The following CARMIL1 variants were observed in gnomAD, a reference collection of about 807,000 sequenced individuals.
CARMIL1 encodes the protein F-actin-uncapping protein LRRC16A.
In CARMIL1, 90 loss-of-function variants were observed where a neutral mutation model predicts 177.1. The ratio of observed to expected loss-of-function variants is 0.51; its 90% confidence interval spans 0.43 to 0.61. CARMIL1 has a LOEUF of 0.61. Among genes scored for constraint, CARMIL1 ranks in the 20% least tolerant of loss-of-function variants. The pLI, the probability that CARMIL1 is intolerant of heterozygous loss-of-function variation, is 0.00. For missense variants in CARMIL1, 1,380 were observed against 1,667.0 expected (o/e 0.83, Z 3.00); for synonymous variants, 577 against 606.2 (o/e 0.95, Z 0.71).
intron 8 of CARMIL1, among the ~76,000 whole-genome samples, chr6:25,462,946 A>G (rs1040327409): frequency 1.1e-4 from 17 of 152,306 alleles, no homozygotes; most frequent in African/African-American, 4.1e-4. Context: ...ATGATATGTC[A>G]TTGTCTCCTT....
At chr6:25,490,735 A>T (rs1349102631) in intron 13 of CARMIL1, among the ~76,000 whole-genome samples, 3 of 134,076 alleles carry the variant, frequency 2.2e-5, no homozygotes, top group Non-Finnish European at 4.6e-5. Flanking sequence ...ATAAATAAAT[A>T]AATAAATAAA....
At chr6:25,468,589 A>G (rs1383119738) in intron 9 of CARMIL1, among the ~76,000 whole-genome samples, 1 of 152,242 alleles carries the variant, frequency 6.6e-6, no homozygotes, top group Non-Finnish European at 1.5e-5. Flanking sequence ...AGACATTTGG[A>G]TAACACTGTT....
chr6:25,292,323 G>A (rs557415961), intron 2 of CARMIL1, among the ~76,000 whole-genome samples: 85 of 152,304 alleles, frequency 5.6e-4, no homozygotes, highest in Non-Finnish European at 1.0e-3. Context: ...TTGAGCTTTA[G>A]AAAACAGCAA....
At chr6:25,591,455 G>A (rs999955127) in intron 31 of CARMIL1, among the ~76,000 whole-genome samples, 2 of 152,206 alleles carry the variant, frequency 1.3e-5, no homozygotes, top group African/African-American at 4.8e-5. Context: ...CAGGCTCACG[G>A]CTGAGGTTTT....
intron 3 of CARMIL1, among the ~76,000 whole-genome samples, chr6:25,421,912 C>G: frequency 6.7e-6 from 1 of 149,482 alleles, no homozygotes; most frequent in African/African-American, 2.5e-5. Flanking sequence ...AGGAGATATA[C>G]CTAATGTAAA....
At chr6:25,301,197 G>C (rs2150173760) in intron 2 of CARMIL1, among the ~76,000 whole-genome samples, 2 of 152,278 alleles carry the variant, frequency 1.3e-5, no homozygotes, top group South Asian at 4.1e-4. Flanking sequence ...TTGGGAGTTT[G>C]AGACAGAGAC....
intron 23 of CARMIL1, among the ~76,000 whole-genome samples, chr6:25,527,254 C>A (rs576739792): frequency 3.9e-4 from 59 of 152,228 alleles, no homozygotes; most frequent in African/African-American, 1.4e-3. Context: ...ATCTAAGATG[C>A]AAATAATTTT....
chr6:25,475,661 A>G (rs1339846155), intron 11 of CARMIL1, among the ~76,000 whole-genome samples: 1 of 152,270 alleles, frequency 6.6e-6, no homozygotes, highest in African/African-American at 2.4e-5. Flanking sequence ...CACATGCCAC[A>G]TCATGGATGA....
chr6:25,362,785 C>T (rs912853498), intron 2 of CARMIL1, among the ~76,000 whole-genome samples: 2 of 151,930 alleles, frequency 1.3e-5, no homozygotes, highest in Non-Finnish European at 2.9e-5. Flanking sequence ...CTGTAATTTC[C>T]ACACTTTGGG....
intron 31 of CARMIL1, among the ~76,000 whole-genome samples, chr6:25,585,440 G>A (rs183795484): frequency 6.1e-4 from 93 of 152,312 alleles, no homozygotes; most frequent in Non-Finnish European, 1.1e-3. Context: ...ATGCCAGCAT[G>A]CCAGTTTCTT....
intron 31 of CARMIL1, among the ~76,000 whole-genome samples, chr6:25,586,761 C>A (rs909007053): frequency 6.6e-6 from 1 of 152,058 alleles, no homozygotes; most frequent in Admixed American, 6.5e-5. Context: ...GAGACCAGCC[C>A]GGCCAACACG....
intron 2 of CARMIL1, among the ~76,000 whole-genome samples, chr6:25,338,126 G>A (rs1344347041): frequency 1.3e-5 from 2 of 151,996 alleles, no homozygotes; most frequent in Non-Finnish European, 2.9e-5. Flanking sequence ...GCGTGGTGGC[G>A]CATGCCTATA....
chr6:25,372,277 G>GA (rs1050345083), intron 2 of CARMIL1, among the ~76,000 whole-genome samples: 4 of 151,806 alleles, frequency 2.6e-5, no homozygotes, highest in Non-Finnish European at 5.9e-5. Flanking sequence ...CTAATTCTGT[G>GA]AAAAATGATG....
chr6:25,400,131 A>C (rs561228607), intron 2 of CARMIL1, among the ~76,000 whole-genome samples: 50 of 152,342 alleles, frequency 3.3e-4, no homozygotes, highest in Non-Finnish European at 6.6e-4. Context: ...CATGCAGTAC[A>C]TCTGTGCAGC....
chr6:25,368,419 A>G (rs1472067430), intron 2 of CARMIL1, among the ~76,000 whole-genome samples: 2 of 152,220 alleles, frequency 1.3e-5, no homozygotes, highest in African/African-American at 4.8e-5. Flanking sequence ...TTATAAAGCT[A>G]TTTGAGTTAA....
At chr6:25,468,889 G>A (rs1800862276) in intron 9 of CARMIL1, among the ~76,000 whole-genome samples, 1 of 152,110 alleles carries the variant, frequency 6.6e-6, no homozygotes, top group South Asian at 2.1e-4. Flanking sequence ...TACTTTTCCG[G>A]GTGCACTGCA....
chr6:25,548,212 T>A (rs186662819), intron 26 of CARMIL1, among the ~76,000 whole-genome samples: 1 of 152,336 alleles, frequency 6.6e-6, no homozygotes, highest in East Asian at 1.9e-4. Flanking sequence ...TTTCCACTTT[T>A]GAGGAAATAT....
intron 23 of CARMIL1, among the ~76,000 whole-genome samples, chr6:25,522,454 G>A (rs1018856598): frequency 2.0e-5 from 3 of 152,160 alleles, no homozygotes; most frequent in Non-Finnish European, 4.4e-5. Context: ...AGAAACTGGG[G>A]TAGGACTTAG....
chr6:25,292,173 C>T (rs10456320), intron 2 of CARMIL1, among the ~76,000 whole-genome samples: 15,093 of 152,240 alleles, frequency 0.099, 785 homozygotes, highest in Middle Eastern at 0.17. Context: ...CTCTGTGAGA[C>T]GCTCTTGTAC....
Sources: gnomAD v4.1 joint callset for allele counts (sites outside exome capture counted in the v4.1 genomes callset) on GRCh38, gnomAD v4.1.1 for gene constraint, MANE v1.5 for transcripts, NCBI Gene and HGNC (gene_info 2026-07-23, HGNC 2026-07-21) for gene names.